DSP: variants seen among roughly 807,000 people sequenced by gnomAD.
DSP encodes desmoplakin, also known as 250/210 kDa paraneoplastic pemphigus antigen.
A neutral mutation model predicts 290.6 loss-of-function variants in DSP; 114 were observed. That is an observed-to-expected ratio of 0.39 (90% CI 0.34 to 0.46). The LOEUF is 0.46. DSP is among the 20% of genes least tolerant of loss of function. The pLI, the probability that DSP is intolerant of heterozygous loss-of-function variation, is 0.99. For synonymous variants in DSP, 1,311 were observed against 1,316.4 expected (o/e 1.00, Z 0.09); for missense variants, 3,230 against 3,495.8 (o/e 0.92, Z 1.92).
Position 7,579,918 on chromosome 6 carries a change from C to A in DSP, c.3728C>A (p.Ser1243Ter). ...KNLRNQLDRL[S>*]RENRDLKDEI... ...CTTAGAAACCAGCTTGATAGACTTT[C>A]AAGGGAAAATCGAGATCTGAAGGAT... is the stretch of plus-strand genomic sequence containing the variant. The change falls in exon 23 of 24, where the codon TCA becomes TAA. Residue 1243 changes from serine (S) to a stop codon, truncating the protein, a stop_gained. Transcript: ENST00000379802. LOFTEE classifies it high-confidence loss of function. The surrounding 1 kb of genome is among the most constrained non-coding windows in gnomAD (Gnocchi z 4.1). 2 of 1,614,096 alleles carry A rather than the reference C, an allele frequency of 1.2e-6. No homozygotes were observed. Among genetic ancestry groups the A allele is most frequent in the Non-Finnish European group, 1.7e-6 (2 of 1,180,014 alleles).
chr6:7,584,898 C>T lies in DSP; in HGVS notation c.7636C>T (p.Gln2546Ter). The change falls in exon 24 of 24, where the codon CAG becomes TAG. Residue 2546 changes from glutamine (Q) to a stop codon, truncating the protein, a stop_gained. Coordinates refer to ENST00000379802, the MANE Select transcript of DSP (RefSeq NM_004415.4). LOFTEE classifies it high-confidence loss of function. The surrounding 1 kb of genome is among the most constrained non-coding windows in gnomAD (Gnocchi z 6.4). The stretch of plus-strand genomic sequence containing the variant: ...CCTTGTTGACAGGAAGTTCTTTGAT[C>T]AGTACCGATCCGGCAGCCTCAGCCT... ...KGLVDRKFFD[Q>*]YRSGSLSLTQ... 6.2e-7 allele frequency: 1 copy of T among 1,614,186 alleles called. No individual in the cohort carries two copies. Among genetic ancestry groups the T allele is most frequent in the Non-Finnish European group, 8.5e-7 (1 of 1,180,024 alleles).
Position 7,557,735 on chromosome 6 carries a change from A to G in DSP, c.274-381A>G, listed in dbSNP as rs181333083. 1.2e-3 allele frequency among the ~76,000 whole-genome samples: 169 copies of G among 146,638 alleles called. 1 individual carries two copies. Among genetic ancestry groups the G allele is most frequent in the South Asian group, 3.2e-3 (15 of 4,738 alleles). ...CTAAAACATTATGTTCTCATAAGGT[A>G]TAGGAAAAACTCTGTGCATAAGAGG... On this transcript the variant is annotated intron_variant, in intron 2 of 23. Coordinates refer to ENST00000379802, the MANE Select transcript of DSP (RefSeq NM_004415.4).
At chr6:7,577,095 G>T in intron 20 of DSP, 53 bp downstream of exon 20, 2 of 1,412,050 alleles carry the variant, frequency 1.4e-6, no homozygotes, top group Non-Finnish European at 2.0e-6. Context: ...ATTATTAACT[G>T]CATGACTTGC....
Position 7,542,051 on chromosome 6 carries a change from G to T in DSP, c.136G>T (p.Gly46Cys), listed in dbSNP as rs371517189. 2 of 1,572,120 alleles carry T rather than the reference G, an allele frequency of 1.3e-6. No individual in the cohort carries two copies. Among genetic ancestry groups the T allele is most frequent in the Non-Finnish European group, 1.7e-6 (2 of 1,159,212 alleles). The change falls in exon 1 of 24, where the codon GGC becomes TGC. Residue 46 changes from glycine (G) to cysteine (C), a missense_variant. Gly to Cys is a radical substitution (Grantham distance 159, BLOSUM62 -3). This residue lies in a region of DSP where 646 missense variants were observed against 684.3 expected (regional missense o/e 0.94). Transcript: ENST00000379802. ...CAGCAGGATGTACTATTCTCGGCGCGGCGTGATCACCGACCAGAACTCGGA... is the reference window on the plus strand; with the variant it reads ...CAGCAGGATGTACTATTCTCGGCGCTGCGTGATCACCGACCAGAACTCGGA... ...GTSRMYYSRR[G>C]VITDQNSDGY...
chr6:7,573,344 C>G (rs538318076), intron 15 of DSP, among the ~76,000 whole-genome samples: 1 of 151,962 alleles, frequency 6.6e-6, no homozygotes, highest in Non-Finnish European at 1.5e-5. Context: ...TTTGGGAGGC[C>G]GAGGCGGGTG....
chr6:7,554,125 A>ACACACACAC (rs772041102), intron 1 of DSP, among the ~76,000 whole-genome samples: 1 of 144,400 alleles, frequency 6.9e-6, no homozygotes, highest in African/African-American at 2.7e-5. Context: ...ACACACACAC[A>ACACACACAC]CCCAGTTGGT....
Position 7,574,689 on chromosome 6 carries a change from T to C in DSP, c.2330T>C (p.Ile777Thr), listed in dbSNP as rs1759179417. 1 of 1,614,164 alleles carries C rather than the reference T, an allele frequency of 6.2e-7. No individual in the cohort carries two copies. Among genetic ancestry groups the C allele is most frequent in the South Asian group, 1.1e-5 (1 of 91,078 alleles). Residue 777 changes from isoleucine (I) to threonine (T), a missense_variant, in exon 17 of 24, where the codon ATT (isoleucine) becomes ACT (threonine). By Grantham distance (89) the Ile-to-Thr change is moderately conservative (BLOSUM62 -1). Coordinates refer to ENST00000379802, the MANE Select transcript of DSP (RefSeq NM_004415.4). ...LCTVRALLQA[I>T]LQTEDMLKVY... ...ACAGTAAGGGCACTGCTCCAGGCTA[T>C]TCTCCAAACAGAAGACATGTTAAAG... is the stretch of plus-strand genomic sequence containing the variant.
In DSP at chr6:7,568,301, A is replaced by G. The variant is rs546161965; in HGVS notation, c.1267-136A>G. The stretch of plus-strand genomic sequence containing the variant: ...AAGGTTCTCATGTTTCCTGCCGACG[A>G]ATTTGTGATTTTTTACAATTGATGC... On this transcript the variant is annotated intron_variant, in intron 10 of 23. Transcript: ENST00000379802. The G allele has an allele frequency of 2.2e-5, 22 of 1,010,610 alleles. No homozygotes were observed. The African/African-American group carries it at 3.4e-4, about 16-fold the overall frequency. 62.6% of individuals were successfully genotyped at this position (1,010,610 alleles called of 1,614,324 possible).
chr6:7,559,192 T>C lies in DSP; in HGVS notation c.423-34T>C, dbSNP rs1328168977. The C allele has an allele frequency of 1.9e-6, 3 of 1,612,994 alleles. No homozygotes were observed. In the African/African-American group the frequency reaches 4.0e-5, roughly 22 times the overall value. On this transcript the variant is annotated intron_variant, in intron 3 of 23. Coordinates refer to ENST00000379802, the MANE Select transcript of DSP (RefSeq NM_004415.4). ...CAGAACGGGTTTTCATAGGCTGTTT[T>C]CCTGCAGTGGTTTAAAGGTTTTTTT...
chr6:7,585,324 C>A lies in DSP; in HGVS notation c.8062C>A (p.Leu2688Met), dbSNP rs764149341. ...GVIDQDMATR[L>M]KPAQKAFIGF... ...GATTGACCAAGACATGGCCACCAGG[C>A]TGAAGCCTGCTCAGAAAGCCTTCAT... Residue 2688 changes from leucine to methionine, a missense_variant, in exon 24 of 24, where the codon CTG (leucine) becomes ATG (methionine). Physicochemically the swap from Leu to Met is conservative, Grantham distance 15. This residue lies in a region of DSP where 582 missense variants were observed against 555.4 expected (regional missense o/e 1.05). Coordinates refer to ENST00000379802, the MANE Select transcript of DSP (RefSeq NM_004415.4). 2 of 1,614,144 alleles carry A rather than the reference C, an allele frequency of 1.2e-6. No homozygotes were observed. The highest frequency in any genetic ancestry group is 2.2e-5 in the South Asian group (2 of 91,072).
chr6:7,567,657 G>A (rs939436354), intron 9 of DSP, 124 bp from the exon 10 acceptor site: 14 of 1,479,822 alleles, frequency 9.5e-6, no homozygotes, highest in East Asian at 2.3e-5. Context: ...CTTTCTGCAC[G>A]AATTTTTTCC....
chr6:7,541,731 T>C lies in DSP; in HGVS notation c.-185T>C. On this transcript the variant is annotated 5_prime_UTR_variant, in exon 1 of 24. Transcript: ENST00000379802. ...TCCTCCCGCTCCTGCCCCCGGCCCG[T>C]CGCCGTCTCCGCGCTCGCAGCGGCC... 1.4e-6 allele frequency: 1 copy of C among 694,290 alleles called. No homozygotes were observed. Among genetic ancestry groups the C allele is most frequent in the Non-Finnish European group, 2.3e-6 (1 of 440,756 alleles). The allele number at this position is 694,290 out of a possible 1,614,324, so 43.0% of individuals were successfully genotyped here.
chr6:7,568,381 T>C, intron 10 of DSP, 56 bp from the exon 11 acceptor site: 2 of 1,592,308 alleles, frequency 1.3e-6, no homozygotes, highest in Non-Finnish European at 1.7e-6. Context: ...GTTGAAAATC[T>C]CCTCTAAAAC....
chr6:7,578,903 C>T (rs998997387), intron 22 of DSP, among the ~76,000 whole-genome samples: 6 of 152,108 alleles, frequency 3.9e-5, no homozygotes, highest in Non-Finnish European at 8.8e-5. Flanking sequence ...TGATTGTTCC[C>T]TTTATTCCTC....
chr6:7,572,114 T>C, intron 15 of DSP, 46 bp downstream of exon 15: 2 of 1,511,218 alleles, frequency 1.3e-6, no homozygotes, highest in Admixed American at 1.7e-5. Flanking sequence ...TATATTTTTA[T>C]TTACCTGTAA....
intron 1 of DSP, among the ~76,000 whole-genome samples, chr6:7,544,911 C>T (rs1758128080): frequency 6.6e-6 from 1 of 152,130 alleles, no homozygotes. Context: ...TAGACATGTA[C>T]ATGTTTTGAA....
rs397516970 is a variant in DSP at position 7,585,757 on chromosome 6, G to T, written c.8495G>T (p.Gly2832Val). The change falls in exon 24 of 24, where the codon GGA becomes GTA. Residue 2832 changes from glycine (G) to valine (V), a missense_variant. This residue lies in a region of DSP where 582 missense variants were observed against 555.4 expected (regional missense o/e 1.05). Coordinates refer to ENST00000379802, the MANE Select transcript of DSP (RefSeq NM_004415.4). ...GGGTCCCGCTCCGGCTCCCGCTCGG[G>T]ATCTCGCTCCGGATCTCGCTCCGGG... ...APGSRSGSRSGSRSGSRSGSR... is the reference protein window; with the variant it reads ...APGSRSGSRSVSRSGSRSGSR... 15 of 1,608,014 alleles carry T rather than the reference G, an allele frequency of 9.3e-6. No homozygotes were observed. The highest frequency in any genetic ancestry group is 1.3e-5 in the Non-Finnish European group (15 of 1,176,486).
In DSP at chr6:7,581,256, T is replaced by C. The variant is rs869025394; in HGVS notation, c.5066T>C (p.Ile1689Thr). ...AGGAATGAGCATTTCCAGAAGGCGA[T>C]AGAAGATAAAAGCAGAAGCTTAAAT... ...HLRNEHFQKA[I>T]EDKSRSLNES... The change falls in exon 23 of 24, where the codon ATA (isoleucine) becomes ACA (threonine). Residue 1689 changes from isoleucine (I) to threonine (T), a missense_variant. By Grantham distance (89) the Ile-to-Thr change is moderately conservative. Around this residue, in one of 5 missense-constraint regions of DSP, gnomAD observed 1,714 missense variants for 1,844.5 expected, o/e 0.93. Transcript: ENST00000379802. 13 of 1,613,866 alleles carry C rather than the reference T, an allele frequency of 8.1e-6. No individual in the cohort carries two copies. The African/African-American group carries it at 9.4e-5, about 12-fold the overall frequency.
At position 7,541,863 on chromosome 6, in the gene DSP, GC is replaced by G; in HGVS notation, c.-50del. 1 of 1,560,998 alleles carries G rather than the reference GC, an allele frequency of 6.4e-7. No homozygotes were observed. ...GGCCCCCTCCGCTTTCTCCGCGCCG[GC>G]CCGCCTCGCTTATGCCTCGGCGCTG... On this transcript the variant is annotated 5_prime_UTR_variant, in exon 1 of 24. Coordinates refer to ENST00000379802, the MANE Select transcript of DSP (RefSeq NM_004415.4).
Sources: allele counts gnomAD v4.1 joint callset (sites outside exome capture counted in the v4.1 genomes callset), GRCh38; gene constraint gnomAD v4.1.1; regional missense constraint gnomAD v4.1.1; non-coding constraint Gnocchi (gnomAD v3.1); transcripts MANE v1.5; gene names NCBI Gene and HGNC (gene_info 2026-07-23, HGNC 2026-07-21).